Variants in CNTNAP2 observed in about 807,000 individuals in gnomAD.
The protein encoded by CNTNAP2 is contactin-associated protein-like 2.
In CNTNAP2, 98 loss-of-function variants were observed where a neutral mutation model predicts 155.2. The ratio of observed to expected loss-of-function variants is 0.63; its 90% CI spans 0.54 to 0.75. CNTNAP2 has a LOEUF of 0.75. CNTNAP2 is among the 30% of genes least tolerant of loss of function. The pLI, the probability that CNTNAP2 is intolerant of heterozygous loss-of-function variation, is 0.00. For synonymous variants in CNTNAP2, 651 were observed against 631.2 expected (o/e 1.03, Z -0.47); for missense variants, 1,727 against 1,688.1 (o/e 1.02, Z -0.40).
intron 13 of CNTNAP2, among the ~76,000 whole-genome samples, chr7:147,785,328 A>G (rs1797723394): frequency 6.6e-6 from 1 of 152,186 alleles, no homozygotes; most frequent in African/African-American, 2.4e-5. Flanking sequence ...CCAAGAGAAG[A>G]GGATGGCTCA....
rs552587263 is a variant in CNTNAP2, at chr7:146,299,013, G to A, written c.97+182040G>A. ...AATACGGCCAGGTGTGGTGGATCAC[G>A]CCTGTTATCCCAGCACTTTGGGACA... On this transcript the variant is annotated intron_variant, in intron 1 of 23. Coordinates refer to ENST00000361727, the MANE Select transcript of CNTNAP2 (RefSeq NM_014141.6). Among the ~76,000 whole-genome samples, 5 of 152,234 alleles carry A rather than the reference G, an allele frequency of 3.3e-5. No individual in the cohort carries two copies. The South Asian group carries it at 8.3e-4, about 25-fold the overall frequency.
At chr7:146,879,893 G>T (rs1562984777) in intron 3 of CNTNAP2, among the ~76,000 whole-genome samples, 1 of 152,074 alleles carries the variant, frequency 6.6e-6, no homozygotes, top group Non-Finnish European at 1.5e-5. Flanking sequence ...GGCTGGGGAG[G>T]CCTCACTATC....
rs568520517 is a variant in CNTNAP2, at chr7:147,624,379, A to T, written c.1898-14727A>T. Among the ~76,000 whole-genome samples, 168 of 152,282 alleles carry T rather than the reference A, an allele frequency of 1.1e-3. 1 individual carries two copies. The highest frequency in any genetic ancestry group is 4.0e-3 in the African/African-American group (166 of 41,572). On this transcript the variant is annotated intron_variant, in intron 12 of 23. Coordinates refer to ENST00000361727, the MANE Select transcript of CNTNAP2 (RefSeq NM_014141.6). ...CATCTGAGATGGTGTTAATAACCAG[A>T]ATATTATATAAGGAGCTCAAAATAA...
intron 1 of CNTNAP2, among the ~76,000 whole-genome samples, chr7:146,507,868 G>C (rs1338844519): frequency 2.0e-5 from 3 of 152,170 alleles, no homozygotes; most frequent in Admixed American, 6.5e-5. Context: ...CACCGTGAAA[G>C]TCTATTGTCG....
chr7:146,642,612 T>A (rs1799731823), intron 1 of CNTNAP2, among the ~76,000 whole-genome samples: 1 of 151,752 alleles, frequency 6.6e-6, no homozygotes, highest in African/African-American at 2.4e-5. Context: ...AGTGCCGCAA[T>A]AAACATACGT....
At chr7:146,651,201 T>G (rs1269105280) in intron 1 of CNTNAP2, among the ~76,000 whole-genome samples, 3 of 152,102 alleles carry the variant, frequency 2.0e-5, no homozygotes, top group Non-Finnish European at 4.4e-5. Flanking sequence ...TAGAGCAGCT[T>G]AGTGGACAGA....
Position 147,903,691 on chromosome 7 carries a change from A to T in CNTNAP2, c.2225A>T (p.Tyr742Phe). The T allele has an allele frequency of 6.2e-7, 1 of 1,613,956 alleles. No individual in the cohort carries two copies. Residue 742 changes from tyrosine to phenylalanine, a missense_variant, in exon 14 of 24, where the codon TAC becomes TTC. Physicochemically the swap from Tyr to Phe is conservative, Grantham distance 22. Transcript: ENST00000361727. ...CGCAACTGCACAGATCCCAAGTACT[A>T]CTGTAACTGCGACGCGGACTACAAG... is the stretch of plus-strand genomic sequence containing the variant. The part of the protein sequence containing the change: ...IERNCTDPKY[Y>F]CNCDADYKQW...
chr7:146,750,701 T>G (rs1276295514), intron 1 of CNTNAP2, among the ~76,000 whole-genome samples: 1 of 152,192 alleles, frequency 6.6e-6, no homozygotes, highest in Non-Finnish European at 1.5e-5. Flanking sequence ...TTAGTTCATT[T>G]TTCTGCTGAC....
chr7:147,074,679 C>T (rs1346122398), intron 4 of CNTNAP2, among the ~76,000 whole-genome samples: 2 of 152,068 alleles, frequency 1.3e-5, no homozygotes, highest in African/African-American at 2.4e-5. Context: ...CCAAAATATA[C>T]ATCATATTAA....
intron 7 of CNTNAP2, among the ~76,000 whole-genome samples, chr7:147,131,535 G>A (rs1801368891): frequency 6.6e-6 from 1 of 151,616 alleles, no homozygotes; most frequent in African/African-American, 2.4e-5. Context: ...CTGAATTATT[G>A]CAAATTTTAT....
chr7:146,301,495 A>T (rs900892721), intron 1 of CNTNAP2, among the ~76,000 whole-genome samples: 2 of 151,978 alleles, frequency 1.3e-5, no homozygotes, highest in African/African-American at 4.8e-5. Context: ...GTGTGACGGC[A>T]GATACCTGCA....
chr7:147,095,322 C>T (rs944097385), intron 4 of CNTNAP2, among the ~76,000 whole-genome samples: 1 of 151,712 alleles, frequency 6.6e-6, no homozygotes, highest in Non-Finnish European at 1.5e-5. Flanking sequence ...AGGCGTGAGC[C>T]ACCGCACCCA....
At chr7:146,973,809 T>C (rs755737681) in intron 3 of CNTNAP2, among the ~76,000 whole-genome samples, 2 of 152,210 alleles carry the variant, frequency 1.3e-5, no homozygotes, top group African/African-American at 2.4e-5. Context: ...AGTTTCTGTG[T>C]GATTAGTTCC....
At chr7:147,516,853 T>TTC (rs1799137525) in intron 11 of CNTNAP2, among the ~76,000 whole-genome samples, 2 of 146,370 alleles carry the variant, frequency 1.4e-5, no homozygotes, top group African/African-American at 5.1e-5. Flanking sequence ...CTTTTCTTTT[T>TTC]TTTTTTTTTT....
At position 146,141,442 on chromosome 7, in the gene CNTNAP2, A is replaced by T. The variant is rs1285497215; in HGVS notation, c.97+24469A>T. 3.3e-5 allele frequency among the ~76,000 whole-genome samples: 5 copies of T among 152,158 alleles called. No homozygotes were observed. The East Asian group carries it at 9.6e-4, about 29-fold the overall frequency. ...TGAGGGACAGATTGTTCTGGTAGCC[A>T]TTTGTTACTTGGTTGTCAAGAAGCA... On this transcript the variant is annotated intron_variant, in intron 1 of 23. Coordinates refer to ENST00000361727, the MANE Select transcript of CNTNAP2 (RefSeq NM_014141.6).
At chr7:146,208,302 A>G (rs1798980085) in intron 1 of CNTNAP2, among the ~76,000 whole-genome samples, 1 of 151,984 alleles carries the variant, frequency 6.6e-6, no homozygotes, top group Non-Finnish European at 1.5e-5. Flanking sequence ...TTAATACTCA[A>G]TATGTAAGTT....
chr7:148,405,790 A>G (rs548121624), intron 22 of CNTNAP2, among the ~76,000 whole-genome samples: 34 of 150,270 alleles, frequency 2.3e-4, no homozygotes, highest in African/African-American at 7.6e-4. Flanking sequence ...TAATTTTTGT[A>G]TTTTTAGTAG....
chr7:147,331,279 C>A (rs1795561349), intron 9 of CNTNAP2, among the ~76,000 whole-genome samples: 1 of 152,080 alleles, frequency 6.6e-6, no homozygotes, highest in Non-Finnish European at 1.5e-5. Flanking sequence ...GGATGATAAC[C>A]AGGATCGCTG....
chr7:147,615,248 G>T (rs1366079713), intron 12 of CNTNAP2, among the ~76,000 whole-genome samples: 11 of 88,142 alleles, frequency 1.2e-4, no homozygotes, highest in African/African-American at 5.3e-4. Flanking sequence ...ACTCCAGCTT[G>T]GGTGACGGAG....
Sources: allele counts gnomAD v4.1 joint callset (sites outside exome capture counted in the v4.1 genomes callset), GRCh38; gene constraint gnomAD v4.1.1; transcripts MANE v1.5; gene names NCBI Gene and HGNC (gene_info 2026-07-23, HGNC 2026-07-21).